Variants in NLRC5 observed in about 807,000 individuals in gnomAD.
NLRC5 encodes protein NLRC5.
NLRC5 carries 114 observed loss-of-function variants against 206.9 expected under a neutral mutation model. The observed-to-expected ratio is 0.55, with a 90% CI of 0.47 to 0.64. NLRC5 has a LOEUF of 0.64. Ranked by LOEUF, NLRC5 falls within the 30% of genes least tolerant of loss-of-function variation. The pLI is 0.00. For synonymous variants in NLRC5, 952 were observed against 962.8 expected, an observed-to-expected ratio of 0.99 and a Z score of 0.21; for missense variants, 2,008 against 2,305.5, an observed-to-expected ratio of 0.87 and a Z score of 2.64.
intron 1 of NLRC5, among the ~76,000 whole-genome samples, chr16:57,007,259 C>T (rs1344323298): frequency 6.6e-6 from 1 of 152,208 alleles, no homozygotes; most frequent in Non-Finnish European, 1.5e-5. Flanking sequence ...TATACACACT[C>T]CACGTCCACG....
intron 27 of NLRC5, among the ~76,000 whole-genome samples, chr16:57,057,601 C>A (rs2144533435): frequency 6.6e-6 from 1 of 152,292 alleles, no homozygotes; most frequent in Non-Finnish European, 1.5e-5. Flanking sequence ...ACTGTGGATC[C>A]CAAATGATGC....
intron 23 of NLRC5, among the ~76,000 whole-genome samples, chr16:57,048,918 A>G (rs1486517660): frequency 6.6e-6 from 1 of 152,164 alleles, no homozygotes; most frequent in African/African-American, 2.4e-5. Flanking sequence ...TTCACAGAGT[A>G]TATACTGATG....
intron 30 of NLRC5, among the ~76,000 whole-genome samples, chr16:57,060,027 ATT>A (rs2066225250): frequency 1.6e-4 from 3 of 19,346 alleles, no homozygotes; most frequent in Non-Finnish European, 4.5e-4. Context: ...TGTAACTGTT[ATT>A]ATTATTATTA....
intron 3 of NLRC5, 143 bp downstream of exon 3, chr16:57,021,150 A>G (rs1318709355): frequency 1.5e-5 from 11 of 738,636 alleles, no homozygotes; most frequent in Admixed American, 2.9e-5. Context: ...GACACTTCCC[A>G]GAACAAATTT....
chr16:57,020,668 C>G (rs757249375), intron 2 of NLRC5, 33 bp from the exon 3 acceptor site: 1 of 1,556,078 alleles, frequency 6.4e-7, no homozygotes, highest in Admixed American at 1.7e-5. Context: ...TTACCTGTCC[C>G]CCTCAACTCA....
chr16:57,075,548 C>T (rs1252170903), intron 39 of NLRC5, among the ~76,000 whole-genome samples: 1 of 152,114 alleles, frequency 6.6e-6, no homozygotes, highest in Non-Finnish European at 1.5e-5. Context: ...AACAAGCTTC[C>T]GGGTGGTATC....
chr16:57,065,353 A>G, intron 33 of NLRC5, 55 bp downstream of exon 33: 1 of 1,309,038 alleles, frequency 7.6e-7, no homozygotes, highest in Non-Finnish European at 1.0e-6. Context: ...AAGCATTGGG[A>G]CTTTTCCTTG....
chr16:57,078,096 C>G, intron 43 of NLRC5, 76 bp downstream of exon 43: 2 of 1,247,590 alleles, frequency 1.6e-6, no homozygotes, highest in Non-Finnish European at 2.2e-6. Context: ...GGGTCCAGGC[C>G]CCCATCAGTT....
chr16:57,061,605 C>T lies in NLRC5; in HGVS notation c.4071-13C>T, dbSNP rs776800335. ...CTGCCAGAGCCACCTCAGTGACTGA[C>T]CTCTGTCTCCAGGCTGACCCAGTGC... On this transcript the variant is annotated splice_polypyrimidine_tract_variant and intron_variant, in intron 31 of 48. Coordinates refer to ENST00000688547, the MANE Select transcript of NLRC5 (RefSeq NM_001384950.1). 22 of 1,609,744 alleles carry T rather than the reference C, an allele frequency of 1.4e-5. No individual in the cohort carries two copies. Among genetic ancestry groups the T allele is most frequent in the Non-Finnish European group, 1.7e-5 (20 of 1,179,290 alleles).
intron 43 of NLRC5, 130 bp from the exon 44 acceptor site, chr16:57,078,920 G>C: frequency 1.3e-6 from 1 of 797,502 alleles, no homozygotes; most frequent in Middle Eastern, 2.4e-4. Flanking sequence ...TACCTACCCA[G>C]GTCCTGTGTG....
At chr16:57,039,951 T>C in intron 16 of NLRC5, 102 bp downstream of exon 16, 1 of 1,019,574 alleles carries the variant, frequency 9.8e-7, no homozygotes, top group Non-Finnish European at 1.5e-6. Context: ...CAGGGTGACC[T>C]GGACAAATTC....
At chr16:57,035,335 G>A (rs559080840) in intron 13 of NLRC5, among the ~76,000 whole-genome samples, 3 of 152,144 alleles carry the variant, frequency 2.0e-5, no homozygotes, top group Admixed American at 1.3e-4. Context: ...ACTTCCACCT[G>A]GCAGAGAGTA....
At chr16:57,058,509 T>A in intron 28 of NLRC5, 1 of 337,398 alleles carries the variant, frequency 3.0e-6, no homozygotes, top group Non-Finnish European at 5.5e-6. Context: ...CTGAAATTCT[T>A]CTGACCCAAT....
chr16:57,024,699 G>A (rs1385126165), intron 5 of NLRC5, among the ~76,000 whole-genome samples: 3 of 152,200 alleles, frequency 2.0e-5, no homozygotes, highest in African/African-American at 2.4e-5. Flanking sequence ...ATTACAGAAA[G>A]AGGTTGTTTC....
intron 1 of NLRC5, chr16:56,991,898 A>T (rs1347501508): frequency 1.3e-5 from 2 of 152,020 alleles, no homozygotes; most frequent in Non-Finnish European, 2.9e-5. Context: ...TCCTAACGTG[A>T]CCTTATTTGG....
At chr16:57,069,973 G>A in intron 37 of NLRC5, 54 bp downstream of exon 37, 1 of 1,452,974 alleles carries the variant, frequency 6.9e-7, no homozygotes, top group Admixed American at 2.0e-5. Context: ...AGGGTGAGGG[G>A]TGGAGAAGAG....
At chr16:57,070,669 G>T (rs1237437393) in intron 38 of NLRC5, 51 bp downstream of exon 38, 1 of 1,483,168 alleles carries the variant, frequency 6.7e-7, no homozygotes, top group Non-Finnish European at 9.2e-7. Context: ...GTGGTTAATG[G>T]ATGGTGGAAG....
At chr16:57,027,467 C>A (rs1411729973) in intron 6 of NLRC5, among the ~76,000 whole-genome samples, 1 of 152,360 alleles carries the variant, frequency 6.6e-6, no homozygotes, top group East Asian at 1.9e-4. Flanking sequence ...GCTCAGTGTG[C>A]ATATTAGCTA....
chr16:57,077,400 A>G, intron 41 of NLRC5, 21 bp downstream of exon 41: 1 of 1,604,244 alleles, frequency 6.2e-7, no homozygotes, highest in Non-Finnish European at 8.5e-7. Context: ...AGCCCTACAG[A>G]GGAGGGCCAC....
Sources: gnomAD v4.1 joint callset for allele counts (sites outside exome capture counted in the v4.1 genomes callset) on GRCh38, gnomAD v4.1.1 for gene constraint, MANE v1.5 for transcripts, NCBI Gene and HGNC (gene_info 2026-07-23, HGNC 2026-07-21) for gene names.